The following FBXL13 variants were observed in gnomAD, a reference collection of about 807,000 sequenced individuals.
FBXL13 encodes the protein F-box and leucine-rich repeat protein 13.
In FBXL13, 67 loss-of-function variants were observed where a neutral mutation model predicts 83.6. That is an observed-to-expected ratio of 0.80 (90% CI 0.66 to 0.98). The LOEUF is 0.98. Ranked by LOEUF, FBXL13 falls within the 50% of genes least tolerant of loss-of-function variation. The pLI is 0.00. For synonymous variants in FBXL13, 272 were observed against 299.5 expected (o/e 0.91, Z 0.95); for missense variants, 822 against 866.5 (o/e 0.95, Z 0.64).
chr7:103,037,348 T>G (rs1795172575), intron 2 of FBXL13, among the ~76,000 whole-genome samples: 1 of 152,204 alleles, frequency 6.6e-6, no homozygotes, highest in African/African-American at 2.4e-5. Context: ...CCCAAATGAT[T>G]AAAACTCCAG....
intron 11 of FBXL13, among the ~76,000 whole-genome samples, chr7:102,904,461 C>T (rs1044986533): frequency 5.9e-5 from 9 of 151,806 alleles, no homozygotes; most frequent in African/African-American, 1.9e-4. Context: ...CATATGTATG[C>T]ATGTGCCATG....
At chr7:102,938,825 C>T (rs1585042164) in intron 8 of FBXL13, among the ~76,000 whole-genome samples, 1 of 152,120 alleles carries the variant, frequency 6.6e-6, no homozygotes, top group African/African-American at 2.4e-5. Flanking sequence ...TTTTCTAAGC[C>T]ACACTAGGAA....
intron 8 of FBXL13, among the ~76,000 whole-genome samples, chr7:102,943,335 C>G (rs62484949): frequency 7.2e-5 from 1 of 13,862 alleles, no homozygotes; most frequent in Admixed American, 1.4e-3. Context: ...CAAGTAAATA[C>G]CAAAAAAAAA....
chr7:103,017,544 C>T (rs1233503739), intron 6 of FBXL13, among the ~76,000 whole-genome samples: 3 of 152,086 alleles, frequency 2.0e-5, no homozygotes, highest in African/African-American at 4.8e-5. Context: ...AGAGGAAGTT[C>T]GAACCCATCG....
chr7:102,889,058 C>T (rs985699968), intron 11 of FBXL13, among the ~76,000 whole-genome samples: 1 of 152,162 alleles, frequency 6.6e-6, no homozygotes, highest in Non-Finnish European at 1.5e-5. Flanking sequence ...ATTGTTATCA[C>T]TTTTCCTGTT....
chr7:103,029,275 G>T, intron 3 of FBXL13, 76 bp downstream of exon 4: 1 of 887,508 alleles, frequency 1.1e-6, no homozygotes, highest in Non-Finnish European at 1.7e-6. Flanking sequence ...CTGGCCAAAA[G>T]TGAATTTTTC....
intron 17 of FBXL13, among the ~76,000 whole-genome samples, chr7:102,847,664 C>T (rs1283811560): frequency 6.6e-6 from 1 of 151,882 alleles, no homozygotes; most frequent in Non-Finnish European, 1.5e-5. Flanking sequence ...GTAGCTGGGA[C>T]TAGAGGTGTG....
intron 19 of FBXL13, among the ~76,000 whole-genome samples, chr7:102,819,287 A>T (rs529095913): frequency 1.3e-5 from 2 of 152,252 alleles, no homozygotes; most frequent in East Asian, 3.9e-4. Flanking sequence ...GTTGTTACTT[A>T]TTCCTCCTTG....
intron 18 of FBXL13, among the ~76,000 whole-genome samples, chr7:102,824,503 CTTT>C (rs1349647760): frequency 6.6e-6 from 1 of 151,478 alleles, no homozygotes; most frequent in Admixed American, 6.6e-5. Context: ...TTTTTTCTTT[CTTT>C]TTTTTATTTT....
At chr7:103,056,955 C>A (rs2129496880) in intron 1 of FBXL13, among the ~76,000 whole-genome samples, 1 of 151,778 alleles carries the variant, frequency 6.6e-6, no homozygotes, top group African/African-American at 2.4e-5. Flanking sequence ...ATCTGTATAT[C>A]TTCTTTTGAG....
intron 16 of FBXL13, among the ~76,000 whole-genome samples, chr7:102,872,637 T>C (rs1009989399): frequency 2.0e-5 from 3 of 152,162 alleles, no homozygotes; most frequent in Non-Finnish European, 4.4e-5. Context: ...CAAATGATAA[T>C]CCAATTAACT....
intron 6 of FBXL13, among the ~76,000 whole-genome samples, chr7:103,012,046 T>C (rs1396440922): frequency 6.6e-6 from 1 of 151,962 alleles, no homozygotes; most frequent in African/African-American, 2.4e-5. Flanking sequence ...CCAAGACACA[T>C]AATCATCAGA....
rs200661242 is a variant in FBXL13, at chr7:102,867,668, CATATAT to C, written c.1635+9793_1635+9798del. On this transcript the variant is annotated intron_variant, in intron 16 of 19. Coordinates refer to ENST00000313221, the Ensembl canonical transcript of FBXL13. ...TGAGCCAGGGAGTGATAGACTTAGA[CATATAT>C]ATATATATATATATATATATATTTT... Among the ~76,000 whole-genome samples, 314 of 72,634 alleles carry C rather than the reference CATATAT, an allele frequency of 4.3e-3. 7 individuals are homozygous for C. Among genetic ancestry groups the C allele is most frequent in the African/African-American group, 0.013 (144 of 11,038 alleles). The allele number at this position is 72,634 out of a possible 152,430, so 47.7% of individuals were successfully genotyped here.
At chr7:103,039,106 A>G (rs1434853077) in intron 2 of FBXL13, among the ~76,000 whole-genome samples, 1 of 152,324 alleles carries the variant, frequency 6.6e-6, no homozygotes, top group East Asian at 1.9e-4. Flanking sequence ...ACTAGAATGA[A>G]TAGTGTAGAG....
intron 11 of FBXL13, among the ~76,000 whole-genome samples, chr7:102,893,425 C>T (rs979998126): frequency 6.6e-6 from 1 of 152,174 alleles, no homozygotes; most frequent in Admixed American, 6.5e-5. Flanking sequence ...CAAGGTTACA[C>T]AACTGGTTAG....
chr7:102,915,880 T>C (rs1044544421), intron 10 of FBXL13, among the ~76,000 whole-genome samples: 3 of 152,242 alleles, frequency 2.0e-5, no homozygotes, highest in African/African-American at 7.2e-5. Context: ...GATAAGAATA[T>C]ATTTGTGATT....
intron 7 of FBXL13, among the ~76,000 whole-genome samples, chr7:102,964,137 C>G (rs1303712748): frequency 6.6e-6 from 1 of 151,836 alleles, no homozygotes; most frequent in East Asian, 2.0e-4. Flanking sequence ...ATGGCAAAAC[C>G]CCGTCTCTAC....
intron 6 of FBXL13, among the ~76,000 whole-genome samples, chr7:103,022,682 A>G (rs932054561): frequency 6.6e-6 from 1 of 152,214 alleles, no homozygotes; most frequent in African/African-American, 2.4e-5. Context: ...CTCAATATAG[A>G]TGCAAGACTT....
At chr7:102,926,185 G>GGAGCACTGCCCTTGCA (rs1818095881) in intron 10 of FBXL13, 89 bp downstream of exon 11, 1 of 1,045,030 alleles carries the variant, frequency 9.6e-7, no homozygotes, top group South Asian at 1.5e-5. Context: ...GTTGATAAAG[G>GGAGCACTGCCCTTGCA]GAGCACTGCC....
Sources: allele counts gnomAD v4.1 joint callset (sites outside exome capture counted in the v4.1 genomes callset), GRCh38; gene constraint gnomAD v4.1.1; transcripts MANE v1.5; gene names NCBI Gene and HGNC (gene_info 2026-07-23, HGNC 2026-07-21).